The following ERVV-1 variants were observed in gnomAD, a reference collection of about 807,000 sequenced individuals.
ERVV-1 encodes the protein endogenous retrovirus group V member 1 Env polyprotein.
For missense variants in ERVV-1, 150 were observed against 456.5 expected, an observed-to-expected ratio of 0.33 and a Z score of 6.12; for synonymous variants, 59 against 170.2, an observed-to-expected ratio of 0.35 and a Z score of 5.09.
At position 53,013,980 on chromosome 19, in the gene ERVV-1, C is replaced by G. The variant is rs1466019606; in HGVS notation, c.-111C>G. On this transcript the variant is annotated 5_prime_UTR_variant, in exon 1 of 1. Transcript: ENST00000602168. ...CACACTGGCATGCCACCTGAAGTCCCGATAACAGCCTGATTTCTCACTAAA... is the reference window on the plus strand; with the variant it reads ...CACACTGGCATGCCACCTGAAGTCCGGATAACAGCCTGATTTCTCACTAAA... 1.3e-6 allele frequency: 2 copies of G among 1,505,966 alleles called. No individual in the cohort carries two copies. 93.3% of individuals were successfully genotyped at this position (1,505,966 alleles called of 1,614,324 possible).
rs924714057 is a variant in ERVV-1, at chr19:53,015,335, G to T, written c.1245G>T (p.Ala415=). The part of the protein sequence containing the change: ...SCCIYVNNSG[A]IEEDIKKIYD... ...GCATTTATGTCAATAACAGTGGGGCGATAGAGGAGGATATAAAAAAGATCT... is the reference window on the plus strand; with the variant it reads ...GCATTTATGTCAATAACAGTGGGGCTATAGAGGAGGATATAAAAAAGATCT... Residue 415 remains alanine (A), a synonymous_variant, in exon 1 of 1, where the codon GCG becomes GCT. Coordinates refer to ENST00000602168, the MANE Select transcript of ERVV-1 (RefSeq NM_152473.3). 2.8e-6 allele frequency: 2 copies of T among 704,984 alleles called. No individual in the cohort carries two copies. Among genetic ancestry groups the T allele is most frequent in the African/African-American group, 1.7e-5 (1 of 57,232 alleles). The allele number at this position is 704,984 out of a possible 1,614,324, so 43.7% of individuals were successfully genotyped here.
Position 53,014,652 on chromosome 19 carries a change from G to A in ERVV-1, c.562G>A (p.Gly188Arg), listed in dbSNP as rs992039310. 1.0e-5 allele frequency: 16 copies of A among 1,529,522 alleles called. No homozygotes were observed. The South Asian group carries it at 1.9e-4, about 18-fold the overall frequency. The allele number at this position is 1,529,522 out of a possible 1,614,324, so 94.7% of individuals were successfully genotyped here. ...SPQNRCAAWE[G>R]KELITWRVLY... ...CCAAAACCGCTGTGCAGCTTGGGAA[G>A]GAAAAGAGCTAATCACATGGAGGGT... The change falls in exon 1 of 1, where the codon GGA (glycine) becomes AGA (arginine). Residue 188 changes from glycine to arginine, a missense_variant. Physicochemically the swap from Gly to Arg is moderately radical, Grantham distance 125. Coordinates refer to ENST00000602168, the MANE Select transcript of ERVV-1 (RefSeq NM_152473.3).
Position 53,014,976 on chromosome 19 carries a change from T to C in ERVV-1, c.886T>C (p.Cys296Arg), listed in dbSNP as rs1319843815. The change falls in exon 1 of 1, where the codon TGT becomes CGT. Residue 296 changes from cysteine (C) to arginine (R), a missense_variant. Cys to Arg is a radical substitution (Grantham distance 180). Transcript: ENST00000602168. ...TAATAACATCCAACATACGGGAGAATGTGCTGTGGGACTTTTGGGACCACG... is the reference window on the plus strand; with the variant it reads ...TAATAACATCCAACATACGGGAGAACGTGCTGTGGGACTTTTGGGACCACG... ...CINNIQHTGE[C>R]AVGLLGPRGI... The C allele has an allele frequency of 6.5e-7, 1 of 1,535,612 alleles. No individual in the cohort carries two copies. Among genetic ancestry groups the C allele is most frequent in the East Asian group, 2.4e-5 (1 of 40,896 alleles).
Position 53,015,993 on chromosome 19 carries a change from C to A in ERVV-1, c.*469C>A, listed in dbSNP as rs2083786833. On this transcript the variant is annotated 3_prime_UTR_variant, in exon 1 of 1. Coordinates refer to ENST00000602168, the MANE Select transcript of ERVV-1 (RefSeq NM_152473.3). ...GGCCTTGTGGCTGCATTCCTCTGTT[C>A]CAGAAGGGAACTTATCAAGGCCCAG... The A allele has an allele frequency of 6.3e-6, 1 of 158,576 alleles. No individual in the cohort carries two copies. Among genetic ancestry groups the A allele is most frequent in the Non-Finnish European group, 1.4e-5 (1 of 72,890 alleles). 9.8% of individuals were successfully genotyped at this position (158,576 alleles called of 1,614,324 possible). A position where few individuals can be genotyped will look rare whatever the true frequency, so the allele number is the denominator to read the frequency against.
In ERVV-1 at chr19:53,015,785, A is replaced by C; in HGVS notation, c.*261A>C. The C allele has an allele frequency of 2.6e-6, 1 of 389,520 alleles. No individual in the cohort carries two copies. The highest frequency in any genetic ancestry group is 7.4e-5 in the South Asian group (1 of 13,450). 24.1% of individuals were successfully genotyped at this position (389,520 alleles called of 1,614,324 possible). A position where few individuals can be genotyped will look rare whatever the true frequency, so the allele number is the denominator to read the frequency against. On this transcript the variant is annotated 3_prime_UTR_variant, in exon 1 of 1. Coordinates refer to ENST00000602168, the MANE Select transcript of ERVV-1 (RefSeq NM_152473.3). ...AGACCCACGACGTCCTTATGCCCAA[A>C]GCTTTTCAGGGTCTCCAACTCTTGA...
the ERVV-1 span, chr19:53,014,457 CAAACCTGT>C: frequency 9.7e-7 from 1 of 1,026,980 alleles, no homozygotes; most frequent in Non-Finnish European, 1.4e-6. Flanking sequence ...TTCTCTAAAC[CAAACCTGT>C]TGTCCATGCC....
chr19:53,015,054 C>G lies in ERVV-1; in HGVS notation c.964C>G (p.Leu322Val), dbSNP rs1363991707. ...NTTQPRQKRA[L>V]GLILAGMGAA... ...CACCCAACCCAGACAGAAAAGAGCT[C>G]TGGGTCTAATACTGGCAGGGATGGG... is the stretch of plus-strand genomic sequence containing the variant. Residue 322 changes from leucine (L) to valine (V), a missense_variant, in exon 1 of 1, where the codon CTG becomes GTG. Transcript: ENST00000602168. 21 of 1,446,882 alleles carry G rather than the reference C, an allele frequency of 1.5e-5. No individual in the cohort carries two copies. In the East Asian group the frequency reaches 5.2e-4, roughly 36 times the overall value. The allele number at this position is 1,446,882 out of a possible 1,614,324, so 89.6% of individuals were successfully genotyped here. A position where few individuals can be genotyped will look rare whatever the true frequency, so the allele number is the denominator to read the frequency against.
Position 53,015,919 on chromosome 19 carries a change from T to C in ERVV-1, c.*395T>C, listed in dbSNP as rs986772985. ...CCGCTGATGGCCTCCTTGGAAACGC[T>C]GCACGCTGAGTCAGCAAAAGGAGGA... On this transcript the variant is annotated 3_prime_UTR_variant, in exon 1 of 1. Transcript: ENST00000602168. 5.7e-6 allele frequency: 1 copy of C among 175,824 alleles called. No individual in the cohort carries two copies. The highest frequency in any genetic ancestry group is 1.2e-5 in the Non-Finnish European group (1 of 85,320). The allele number at this position is 175,824 out of a possible 1,614,324, so 10.9% of individuals were successfully genotyped here.
In ERVV-1 at chr19:53,015,453, T is replaced by C. The variant is rs1340196550; in HGVS notation, c.1363T>C (p.Trp455Arg). Residue 455 changes from tryptophan (W) to arginine (R), a missense_variant, in exon 1 of 1, where the codon TGG becomes CGG. Physicochemically the swap from Trp to Arg is moderately radical, Grantham distance 101 (BLOSUM62 -3). Coordinates refer to ENST00000602168, the MANE Select transcript of ERVV-1 (RefSeq NM_152473.3). ...GAAGTCTGCCCTCCCCTCCCTCACA[T>C]GGTTTGTCCCTTTACTGGGACCAGC... ...AVKSALPSLT[W>R]FVPLLGPAAL... 2.4e-5 allele frequency: 17 copies of C among 701,354 alleles called. No individual in the cohort carries two copies. Among genetic ancestry groups the C allele is most frequent in the Non-Finnish European group, 3.9e-5 (15 of 384,284 alleles). The allele number at this position is 701,354 out of a possible 1,614,324, so 43.4% of individuals were successfully genotyped here. A position where few individuals can be genotyped will look rare whatever the true frequency, so the allele number is the denominator to read the frequency against.
Position 53,015,188 on chromosome 19 carries a change from C to T in ERVV-1, c.1098C>T (p.Ser366=). The T allele has an allele frequency of 4.0e-6, 3 of 758,596 alleles. No individual in the cohort carries two copies. Among genetic ancestry groups the T allele is most frequent in the Non-Finnish European group, 2.3e-6 (1 of 438,736 alleles). 47.0% of individuals were successfully genotyped at this position (758,596 alleles called of 1,614,324 possible). A position where few individuals can be genotyped will look rare whatever the true frequency, so the allele number is the denominator to read the frequency against. The change falls in exon 1 of 1, where the codon AGC becomes AGT. Residue 366 remains serine, a synonymous_variant. Coordinates refer to ENST00000602168, the MANE Select transcript of ERVV-1 (RefSeq NM_152473.3). ...ACATAGCTAAGAGTACCAGAGATAGCATCTCTAAACTCAAGGCCTCCATAG... is the reference window on the plus strand; with the variant it reads ...ACATAGCTAAGAGTACCAGAGATAGTATCTCTAAACTCAAGGCCTCCATAG... ...IDNIAKSTRD[S]ISKLKASIDS...
Position 53,015,630 on chromosome 19 carries a change from G to C in ERVV-1, c.*106G>C, listed in dbSNP as rs760271513. ...TCCTTGGAGGTCCCAGCACCTACAAGTACATATCTCCCTTGGATGCCAGTG... is the reference window on the plus strand; with the variant it reads ...TCCTTGGAGGTCCCAGCACCTACAACTACATATCTCCCTTGGATGCCAGTG... On this transcript the variant is annotated 3_prime_UTR_variant, in exon 1 of 1. Coordinates refer to ENST00000602168, the MANE Select transcript of ERVV-1 (RefSeq NM_152473.3). 1.7e-6 allele frequency: 1 copy of C among 596,902 alleles called. No individual in the cohort carries two copies. The highest frequency in any genetic ancestry group is 3.0e-6 in the Non-Finnish European group (1 of 337,662). The allele number at this position is 596,902 out of a possible 1,614,324, so 37.0% of individuals were successfully genotyped here.
Position 53,015,596 on chromosome 19 carries a change from A to G in ERVV-1, c.*72A>G. 2 of 610,622 alleles carry G rather than the reference A, an allele frequency of 3.3e-6. No individual in the cohort carries two copies. Among genetic ancestry groups the G allele is most frequent in the Non-Finnish European group, 5.8e-6 (2 of 343,808 alleles). The allele number at this position is 610,622 out of a possible 1,614,324, so 37.8% of individuals were successfully genotyped here. A position where few individuals can be genotyped will look rare whatever the true frequency, so the allele number is the denominator to read the frequency against. ...GAGCCCCTAAAAATGGAAAGAGATC[A>G]TCCAATCTTCCTTGGAGGTCCCAGC... On this transcript the variant is annotated 3_prime_UTR_variant, in exon 1 of 1. Transcript: ENST00000602168.
Position 53,015,326 on chromosome 19 carries a change from C to A in ERVV-1, c.1236C>A (p.Asn412Lys), listed in dbSNP as rs946546141. The A allele has an allele frequency of 6.5e-5, 46 of 706,014 alleles. 1 individual carries two copies. The Admixed American group carries it at 8.8e-4, about 14-fold the overall frequency. 43.7% of individuals were successfully genotyped at this position (706,014 alleles called of 1,614,324 possible). A position where few individuals can be genotyped will look rare whatever the true frequency, so the allele number is the denominator to read the frequency against. Residue 412 changes from asparagine (N) to lysine (K), a missense_variant, in exon 1 of 1, where the codon AAC becomes AAA. Asn to Lys is a moderately conservative substitution (Grantham distance 94, BLOSUM62 0). Transcript: ENST00000602168. The stretch of plus-strand genomic sequence containing the variant: ...AATCCTGTTGCATTTATGTCAATAA[C>A]AGTGGGGCGATAGAGGAGGATATAA... ...ISKSCCIYVN[N>K]SGAIEEDIKK...
At position 53,014,939 on chromosome 19, in the gene ERVV-1, C is replaced by G. The variant is rs928060718; in HGVS notation, c.849C>G (p.Leu283=). The change falls in exon 1 of 1, where the codon CTC becomes CTG. Residue 283 remains leucine (L), a synonymous_variant. Transcript: ENST00000602168. ...ITYSTPPVAN[L]YTCINNIQHT... is the part of the protein sequence containing the mutation. ...ATTCAACCCCCCCTGTGGCAAACCT[C>G]TACACTTGCATTAATAACATCCAAC... is the stretch of plus-strand genomic sequence containing the variant. 3 of 1,535,774 alleles carry G rather than the reference C, an allele frequency of 2.0e-6. No homozygotes were observed. Among genetic ancestry groups the G allele is most frequent in the Non-Finnish European group, 2.6e-6 (3 of 1,146,758 alleles).
At position 53,015,146 on chromosome 19, in the gene ERVV-1, C is replaced by A; in HGVS notation, c.1056C>A (p.Leu352=). The A allele has an allele frequency of 1.3e-6, 1 of 794,294 alleles. No individual in the cohort carries two copies. The highest frequency in any genetic ancestry group is 2.2e-4 in the Middle Eastern group (1 of 4,534). 49.2% of individuals were successfully genotyped at this position (794,294 alleles called of 1,614,324 possible). Reference sequence around the variant, plus strand: ...ATCATGATGTCACCCTCAGAAATCTCTCCAGACAAATAGACAACATAGCTA... The same window carrying A: ...ATCATGATGTCACCCTCAGAAATCTATCCAGACAAATAGACAACATAGCTA... ...FTYHDVTLRN[L]SRQIDNIAKS... Residue 352 remains leucine (L), a synonymous_variant, in exon 1 of 1, where the codon CTC becomes CTA. Coordinates refer to ENST00000602168, the MANE Select transcript of ERVV-1 (RefSeq NM_152473.3).
rs552293035 is a variant in ERVV-1, at chr19:53,015,396, G to A, written c.1306G>A (p.Gly436Ser). Residue 436 changes from glycine to serine, a missense_variant, in exon 1 of 1, where the codon GGT (glycine) becomes AGT (serine). Physicochemically the swap from Gly to Ser is moderately conservative, Grantham distance 56 (BLOSUM62 0). Transcript: ENST00000602168. ...EVTWLHNFGK[G>S]DSAGSIWEAV... ...TACGTGGCTCCATAACTTTGGAAAA[G>A]GTGATTCAGCAGGGTCCATTTGGGA... 6 of 703,432 alleles carry A rather than the reference G, an allele frequency of 8.5e-6. No individual in the cohort carries two copies. In the South Asian group the frequency reaches 8.9e-5, roughly 10 times the overall value. The allele number at this position is 703,432 out of a possible 1,614,324, so 43.6% of individuals were successfully genotyped here.
chr19:53,014,894 T>C lies in ERVV-1; in HGVS notation c.804T>C (p.Asp268=). Residue 268 remains aspartate (D), a synonymous_variant, in exon 1 of 1, where the codon GAT becomes GAC. Coordinates refer to ENST00000602168, the MANE Select transcript of ERVV-1 (RefSeq NM_152473.3). ...CGPQKNKLPF[D]GSPKITYSTP... ...CACAAAAAAATAAACTGCCCTTTGA[T>C]GGAAGTCCTAAGATAACTTATTCAA... 3 of 1,535,810 alleles carry C rather than the reference T, an allele frequency of 2.0e-6. No homozygotes were observed. Among genetic ancestry groups the C allele is most frequent in the East Asian group, 2.4e-5 (1 of 40,898 alleles).
chr19:53,015,249 G>T lies in ERVV-1; in HGVS notation c.1159G>T (p.Ala387Ser), dbSNP rs763442332. Residue 387 changes from alanine (A) to serine (S), a missense_variant, in exon 1 of 1, where the codon GCC becomes TCC. Coordinates refer to ENST00000602168, the MANE Select transcript of ERVV-1 (RefSeq NM_152473.3). ...AAATGTAGTCATGAACAACAGATTG[G>T]CCTTAGATTACCTCTTAGCAGAGCA... is the stretch of plus-strand genomic sequence containing the variant. Reference protein sequence around the residue: ...LANVVMNNRLALDYLLAEQGG... With the variant: ...LANVVMNNRLSLDYLLAEQGG... 4 of 766,580 alleles carry T rather than the reference G, an allele frequency of 5.2e-6. No individual in the cohort carries two copies. Among genetic ancestry groups the T allele is most frequent in the Non-Finnish European group, 9.0e-6 (4 of 444,484 alleles). The allele number at this position is 766,580 out of a possible 1,614,324, so 47.5% of individuals were successfully genotyped here. A position where few individuals can be genotyped will look rare whatever the true frequency, so the allele number is the denominator to read the frequency against.
Position 53,015,552 on chromosome 19 carries a change from G to C in ERVV-1, c.*28G>C, listed in dbSNP as rs1217268911. The C allele has an allele frequency of 1.6e-6, 1 of 617,812 alleles. No individual in the cohort carries two copies. The highest frequency in any genetic ancestry group is 2.9e-6 in the Non-Finnish European group (1 of 347,322). 38.3% of individuals were successfully genotyped at this position (617,812 alleles called of 1,614,324 possible). On this transcript the variant is annotated 3_prime_UTR_variant, in exon 1 of 1. Transcript: ENST00000602168. Reference sequence around the variant, plus strand: ...CACTAATTAAATATGTCTCTTCCAGGATATGGCAATTTCACACAGAGCCCC... The same window carrying C: ...CACTAATTAAATATGTCTCTTCCAGCATATGGCAATTTCACACAGAGCCCC...
Sources: allele counts gnomAD v4.1 joint callset, GRCh38; gene constraint gnomAD v4.1.1; transcripts MANE v1.5; gene names NCBI Gene and HGNC (gene_info 2026-07-23, HGNC 2026-07-21).